The following TYRO3 variants were observed in gnomAD, a reference collection of about 807,000 sequenced individuals.
TYRO3 encodes tyrosine-protein kinase receptor TYRO3.
In TYRO3, 38 loss-of-function variants were observed where a neutral mutation model predicts 95.2. The ratio of observed to expected loss-of-function variants is 0.40; its 90% CI spans 0.31 to 0.52. The LOEUF (loss-of-function observed/expected upper bound fraction) is 0.52, where lower values mean the gene tolerates loss of function less well. TYRO3 is among the 20% of genes least tolerant of loss of function. TYRO3 has a pLI of 0.56. For missense variants in TYRO3, 812 were observed against 1,116.4 expected, an observed-to-expected ratio of 0.73 and a Z score of 3.89; for synonymous variants, 367 against 432.9, an observed-to-expected ratio of 0.85 and a Z score of 1.89.
intron 6 of TYRO3, 53 bp downstream of exon 6, chr15:41,565,194 G>A (rs1044859520): frequency 5.1e-6 from 6 of 1,172,162 alleles, no homozygotes; most frequent in Non-Finnish European, 7.6e-6. Context: ...CCAGCACTTT[G>A]TTGACAGGGA....
chr15:41,578,932 CT>C lies in TYRO3; in HGVS notation c.*657del, dbSNP rs1322869448. 1 of 153,398 alleles carries C rather than the reference CT, an allele frequency of 6.5e-6. No homozygotes were observed. The highest frequency in any genetic ancestry group is 1.4e-5 in the Non-Finnish European group (1 of 69,028). The allele number at this position is 153,398 out of a possible 1,614,324, so 9.5% of individuals were successfully genotyped here. A position where few individuals can be genotyped will look rare whatever the true frequency, so the allele number is the denominator to read the frequency against. On this transcript the variant is annotated 3_prime_UTR_variant, in exon 19 of 19. Transcript: ENST00000263798. ...GGAGTACCCAGCCTATCAGGTGCCCCTCTTCCAAAGGCAGCGTGCCGAGCCA... is the reference window on the plus strand; with the variant it reads ...GGAGTACCCAGCCTATCAGGTGCCCCCTTCCAAAGGCAGCGTGCCGAGCCA...
intron 12 of TYRO3, 97 bp from the exon 13 acceptor site, chr15:41,570,941 G>A: frequency 7.4e-7 from 1 of 1,360,182 alleles, no homozygotes. Context: ...TGGCCCCAGA[G>A]TCTGCTGACT....
intron 10 of TYRO3, 24 bp downstream of exon 10, chr15:41,570,180 G>C: frequency 1.0e-6 from 1 of 991,142 alleles, no homozygotes; most frequent in Non-Finnish European, 1.5e-6. Context: ...GATGTGGAGG[G>C]AGAGGCAGGT....
intron 18 of TYRO3, among the ~76,000 whole-genome samples, chr15:41,575,430 A>G (rs557955729): frequency 1.1e-4 from 17 of 152,354 alleles, no homozygotes; most frequent in South Asian, 8.3e-4. Flanking sequence ...GGTGCTGTCA[A>G]TGGAGAGTGG....
intron 18 of TYRO3, chr15:41,577,613 C>T (rs1198514296): frequency 2.8e-5 from 7 of 252,972 alleles, no homozygotes; most frequent in South Asian, 1.8e-4. Flanking sequence ...CTCAGCCTTC[C>T]GAGTAGCTGG....
chr15:41,566,343 AAAAAAAG>A (rs1429903202), intron 6 of TYRO3, among the ~76,000 whole-genome samples: 1 of 149,582 alleles, frequency 6.7e-6, no homozygotes, highest in Non-Finnish European at 1.5e-5. Flanking sequence ...AAAAAAAAAA[AAAAAAAG>A]AGGATCCTAC....
At chr15:41,561,422 T>G in intron 2 of TYRO3, 112 bp downstream of exon 2, 1 of 1,504,894 alleles carries the variant, frequency 6.6e-7, no homozygotes, top group African/African-American at 1.4e-5. Context: ...CTGTGGTTTT[T>G]TTATTTGGCT....
At position 41,560,393 on chromosome 15, in the gene TYRO3, ATGTGTGTGTGTGTG is replaced by A. The variant is rs369495054; in HGVS notation, c.125-711_125-698del. On this transcript the variant is annotated intron_variant, in intron 1 of 18. Transcript: ENST00000263798. ...CCAGGAGGCCAGGAGAGGTGCGTGT[ATGTGTGTGTGTGTG>A]TGTGTGTGTGTGTGTGTGTGTGCGC... 3.3e-3 allele frequency among the ~76,000 whole-genome samples: 397 copies of A among 120,500 alleles called. 10 individuals are homozygous for A. In the East Asian group the frequency reaches 0.062, roughly 19 times the overall value. The allele number at this position is 120,500 out of a possible 152,430, so 79.1% of individuals were successfully genotyped here.
At chr15:41,571,464 G>A in intron 13 of TYRO3, 131 bp from the exon 14 acceptor site, 1 of 688,452 alleles carries the variant, frequency 1.5e-6, no homozygotes, top group South Asian at 1.7e-5. Flanking sequence ...GGTTTCTCCT[G>A]CTCATGGCTG....
chr15:41,576,375 T>C (rs2055860723), intron 18 of TYRO3, among the ~76,000 whole-genome samples: 1 of 151,736 alleles, frequency 6.6e-6, no homozygotes, highest in African/African-American at 2.4e-5. Flanking sequence ...GTATTTTTAG[T>C]AGAGACGGGG....
At chr15:41,563,091 C>G (rs2055678210) in intron 4 of TYRO3, among the ~76,000 whole-genome samples, 1 of 151,956 alleles carries the variant, frequency 6.6e-6, no homozygotes, top group Admixed American at 6.6e-5. Flanking sequence ...GAGTATCTGG[C>G]AGACACTGAG....
At chr15:41,569,267 C>T (rs1407809784) in intron 9 of TYRO3, among the ~76,000 whole-genome samples, 1 of 135,414 alleles carries the variant, frequency 7.4e-6, no homozygotes, top group Non-Finnish European at 1.6e-5. Context: ...GCTCTGGCAA[C>T]ATAGCAAGAC....
chr15:41,576,645 C>CTTTTT (rs971951671), intron 18 of TYRO3, among the ~76,000 whole-genome samples: 3 of 101,090 alleles, frequency 3.0e-5, no homozygotes, highest in African/African-American at 8.4e-5. Flanking sequence ...AGTAGGTTTC[C>CTTTTT]TTTTTTTTTT....
At chr15:41,572,406 C>A in intron 14 of TYRO3, 37 bp from the exon 15 acceptor site, 1 of 1,472,416 alleles carries the variant, frequency 6.8e-7, no homozygotes, top group Non-Finnish European at 9.3e-7. Flanking sequence ...GCCCCTTGAC[C>A]CTTCTATGCT....
intron 12 of TYRO3, 164 bp from the exon 13 acceptor site, chr15:41,570,874 G>A: frequency 2.2e-6 from 2 of 911,002 alleles, no homozygotes; most frequent in Non-Finnish European, 3.5e-6. Context: ...AGGGAGGGCT[G>A]AGGAGCTGCT....
intron 12 of TYRO3, 101 bp downstream of exon 12, chr15:41,570,800 G>A (rs559006421): frequency 1.6e-5 from 19 of 1,178,376 alleles, no homozygotes; most frequent in East Asian, 4.7e-5. Context: ...GTCGGTTGCC[G>A]TAAACAAGAT....
intron 9 of TYRO3, among the ~76,000 whole-genome samples, chr15:41,569,345 G>A (rs1345767046): frequency 6.6e-6 from 1 of 151,012 alleles, no homozygotes; most frequent in Non-Finnish European, 1.5e-5. Flanking sequence ...ACATATGCCT[G>A]TTAAGCCCAG....
In TYRO3 at chr15:41,561,537, A is replaced by C; in HGVS notation, c.309-2A>C. The C allele has an allele frequency of 6.3e-7, 1 of 1,578,832 alleles. No homozygotes were observed. The highest frequency in any genetic ancestry group is 8.6e-7 in the Non-Finnish European group (1 of 1,163,694). On this transcript the variant is annotated splice_acceptor_variant, in intron 2 of 18. Coordinates refer to ENST00000263798, the MANE Select transcript of TYRO3 (RefSeq NM_006293.4). LOFTEE classifies it high-confidence loss of function. Reference sequence around the variant, plus strand: ...AGCAAGCCTCGTATCCTGTTTCCACAGCCTGAAGTCAGTGGAGCGCTCTGA... The same window carrying C: ...AGCAAGCCTCGTATCCTGTTTCCACCGCCTGAAGTCAGTGGAGCGCTCTGA...
intron 4 of TYRO3, 117 bp downstream of exon 4, chr15:41,562,835 T>C: frequency 9.3e-7 from 1 of 1,071,198 alleles, no homozygotes; most frequent in Non-Finnish European, 1.3e-6. Context: ...CAAGCCCCAG[T>C]GTCTGGGGAC....
Sources: allele counts gnomAD v4.1 joint callset (sites outside exome capture counted in the v4.1 genomes callset), GRCh38; gene constraint gnomAD v4.1.1; transcripts MANE v1.5; gene names NCBI Gene and HGNC (gene_info 2026-07-23, HGNC 2026-07-21).